The following NME8 variants were observed in gnomAD, a reference collection of about 807,000 sequenced individuals.
The protein encoded by NME8 is protein NME8.
A neutral mutation model predicts 82.3 loss-of-function variants in NME8; 72 were observed. The ratio of observed to expected loss-of-function variants is 0.87; its 90% CI spans 0.72 to 1.06. The LOEUF (loss-of-function observed/expected upper bound fraction) is 1.06. NME8 is among the 50% of genes least tolerant of loss of function. The probability of loss-of-function intolerance (pLI) is 0.00; values close to 1 mark genes in which losing one functional copy is unlikely to be tolerated. For synonymous variants in NME8, 267 were observed against 228.5 expected, an observed-to-expected ratio of 1.17 and a Z score of -1.52; for missense variants, 712 against 685.4, an observed-to-expected ratio of 1.04 and a Z score of -0.43.
rs769990827 is a variant in NME8 at position 37,867,750 on chromosome 7, A to T, written c.670A>T (p.Ile224Phe). The T allele has an allele frequency of 6.2e-7, 1 of 1,613,720 alleles. No homozygotes were observed. Among genetic ancestry groups the T allele is most frequent in the Non-Finnish European group, 8.5e-7 (1 of 1,179,686 alleles). Residue 224 changes from isoleucine (I) to phenylalanine (F), a missense_variant, in exon 11 of 18, where the codon ATT becomes TTT. Transcript: ENST00000199447. ...TTTTATGACAAGTGGCTTAAGCTAT[A>T]TTCTAGTTGTATCTCAAGGAAGTAA... is the stretch of plus-strand genomic sequence containing the variant. ...VSFMTSGLSY[I>F]LVVSQGSKHN...
chr7:37,896,640 T>G (rs1785232812), intron 16 of NME8, among the ~76,000 whole-genome samples: 1 of 152,172 alleles, frequency 6.6e-6, no homozygotes, highest in Non-Finnish European at 1.5e-5. Flanking sequence ...AGCAAAATAA[T>G]AAGACTTCAT....
chr7:37,880,332 G>A (rs1231937895), intron 12 of NME8, among the ~76,000 whole-genome samples: 1 of 152,160 alleles, frequency 6.6e-6, no homozygotes, highest in African/African-American at 2.4e-5. Flanking sequence ...ATAGTTTTGT[G>A]TTTTACATAT....
intron 13 of NME8, 35 bp from the exon 14 acceptor site, chr7:37,885,110 T>C (rs1345282424): frequency 7.2e-7 from 1 of 1,386,566 alleles, no homozygotes; most frequent in African/African-American, 1.4e-5. Context: ...GAGCTACACT[T>C]CTTATTACCT....
chr7:37,850,874 C>T, intron 5 of NME8, 139 bp downstream of exon 5: 4 of 663,836 alleles, frequency 6.0e-6, no homozygotes, highest in Non-Finnish European at 1.1e-5. Flanking sequence ...GGCAGTTTTA[C>T]TATATATTTA....
chr7:37,894,713 C>T (rs1002904199), intron 16 of NME8, 103 bp downstream of exon 16: 171 of 1,146,202 alleles, frequency 1.5e-4, no homozygotes, highest in Middle Eastern at 1.5e-3. Context: ...CATCTAATCT[C>T]ATTCATGAAA....
chr7:37,856,980 G>C (rs1348339774), intron 5 of NME8, among the ~76,000 whole-genome samples: 1 of 152,196 alleles, frequency 6.6e-6, no homozygotes, highest in Admixed American at 6.5e-5. Flanking sequence ...TTGGAGGAAG[G>C]ATAGTTGAAC....
At chr7:37,874,436 G>A (rs961923150) in intron 11 of NME8, among the ~76,000 whole-genome samples, 2 of 152,166 alleles carry the variant, frequency 1.3e-5, no homozygotes, top group Non-Finnish European at 2.9e-5. Flanking sequence ...GAGTATTAAA[G>A]TTGGGAGATA....
intron 11 of NME8, among the ~76,000 whole-genome samples, chr7:37,875,290 G>A (rs1054661856): frequency 3.3e-5 from 5 of 152,110 alleles, no homozygotes; most frequent in Non-Finnish European, 5.9e-5. Flanking sequence ...GGTGAAAATT[G>A]AATACGGACT....
chr7:37,873,664 A>G (rs557245289), intron 11 of NME8, among the ~76,000 whole-genome samples: 2 of 152,344 alleles, frequency 1.3e-5, no homozygotes, highest in East Asian at 3.9e-4. Flanking sequence ...TTTACAGTAC[A>G]TTGCAGAAAT....
At chr7:37,854,462 C>T (rs950577187) in intron 5 of NME8, among the ~76,000 whole-genome samples, 21 of 151,920 alleles carry the variant, frequency 1.4e-4, no homozygotes, top group Middle Eastern at 3.2e-3. Context: ...TATGGAAATA[C>T]GTGGTAATTT....
chr7:37,888,529 T>C (rs2131970706), intron 15 of NME8, 101 bp downstream of exon 15: 1 of 1,175,398 alleles, frequency 8.5e-7, no homozygotes, highest in Non-Finnish European at 1.2e-6. Context: ...AACAGAAAAT[T>C]CCAAAAAAGA....
At chr7:37,865,376 A>G (rs893803695) in intron 9 of NME8, 149 bp from the exon 10 acceptor site, 3 of 648,902 alleles carry the variant, frequency 4.6e-6, no homozygotes, top group South Asian at 3.5e-5. Context: ...TTTTTGAGCC[A>G]CTTCAAACCA....
At chr7:37,883,690 A>G (rs2131966539) in intron 12 of NME8, among the ~76,000 whole-genome samples, 1 of 152,308 alleles carries the variant, frequency 6.6e-6, no homozygotes, top group East Asian at 1.9e-4. Flanking sequence ...CTCTCTCAGA[A>G]GAGTCCCCAG....
At chr7:37,853,009 T>A (rs948122327) in intron 5 of NME8, among the ~76,000 whole-genome samples, 2 of 152,216 alleles carry the variant, frequency 1.3e-5, no homozygotes, top group Non-Finnish European at 2.9e-5. Flanking sequence ...TTCTCTGGAT[T>A]TTGGTCATCC....
chr7:37,882,591 GAAAGAA>G (rs753586433), intron 12 of NME8, among the ~76,000 whole-genome samples: 10,647 of 74,576 alleles, frequency 0.14, 495 homozygotes, highest in Middle Eastern at 0.17. Flanking sequence ...AAGAAAGAAA[GAAAGAA>G]AGAGAGAGAG....
At position 37,859,092 on chromosome 7, in the gene NME8, G is replaced by A. The variant is rs138998331; in HGVS notation, c.270+1747G>A. Among the ~76,000 whole-genome samples the A allele has an allele frequency of 6.6e-5, 10 of 152,220 alleles. No homozygotes were observed. In the East Asian group the frequency reaches 1.5e-3, roughly 23 times the overall value. ...GTTTGTACAGTCTGCAAAAGTTTGA[G>A]CCAAATAAATTTTTCTTTACGAAGT... On this transcript the variant is annotated intron_variant, in intron 6 of 17. Transcript: ENST00000199447.
intron 17 of NME8, 114 bp downstream of exon 17, chr7:37,897,221 T>C (rs1785243629): frequency 8.4e-6 from 6 of 710,450 alleles, no homozygotes; most frequent in Admixed American, 6.9e-5. Context: ...AATCAAGCTT[T>C]ATTTCCTGTG....
chr7:37,871,592 C>A (rs1354306225), intron 11 of NME8, among the ~76,000 whole-genome samples: 1 of 151,978 alleles, frequency 6.6e-6, no homozygotes, highest in Admixed American at 6.6e-5. Context: ...TATTAAAGAC[C>A]TACTATATGC....
chr7:37,879,109 A>AAT (rs1241541622), intron 12 of NME8, among the ~76,000 whole-genome samples: 2 of 151,332 alleles, frequency 1.3e-5, no homozygotes, highest in East Asian at 3.9e-4. Flanking sequence ...GATATCATAC[A>AAT]GTATATAGCC....
Sources: gnomAD v4.1 joint callset for allele counts (sites outside exome capture counted in the v4.1 genomes callset) on GRCh38, gnomAD v4.1.1 for gene constraint, MANE v1.5 for transcripts, NCBI Gene and HGNC (gene_info 2026-07-23, HGNC 2026-07-21) for gene names.